The following SLC7A9 variants were observed in gnomAD, a reference collection of about 807,000 sequenced individuals.
SLC7A9 encodes the protein solute carrier family 7 member 9, also known as B(0,+)-type amino acid transporter 1.
Under a neutral mutation model 54.1 loss-of-function variants are expected in SLC7A9, and 38 were observed. The observed-to-expected ratio is 0.70, with a 90% CI of 0.54 to 0.92. SLC7A9 has a LOEUF of 0.92. Ranked by LOEUF, SLC7A9 falls within the 40% of genes least tolerant of loss-of-function variation. SLC7A9 has a pLI of 0.00. For missense variants in SLC7A9, 537 were observed against 636.1 expected, an observed-to-expected ratio of 0.84 and a Z score of 1.68; for synonymous variants, 264 against 258.9, an observed-to-expected ratio of 1.02 and a Z score of -0.19.
rs560069725 is a variant in SLC7A9, at chr19:32,851,677, AC to A, written c.977+6762del. On this transcript the variant is annotated intron_variant, in intron 9 of 12. Coordinates refer to ENST00000023064, the MANE Select transcript of SLC7A9 (RefSeq NM_014270.5). ...CCAGCCATCGCATTACTGGGTATAT[AC>A]CCAAAGGATTATAAATCATGCTGCT... Among the ~76,000 whole-genome samples the A allele has an allele frequency of 7.9e-5, 12 of 152,250 alleles. No individual in the cohort carries two copies. In the South Asian group the frequency reaches 2.5e-3, roughly 32 times the overall value.
chr19:32,860,865 C>G (rs895244722), intron 6 of SLC7A9, among the ~76,000 whole-genome samples: 5 of 152,186 alleles, frequency 3.3e-5, no homozygotes, highest in Non-Finnish European at 7.3e-5. Context: ...GCTGGTTGAG[C>G]CTTTGCCCTC....
At chr19:32,832,737 C>T (rs1437195771) in intron 12 of SLC7A9, 1 of 228,646 alleles carries the variant, frequency 4.4e-6, no homozygotes, top group African/African-American at 2.3e-5. Context: ...CCTAGCGAGA[C>T]TCCTTCTCTA....
intron 3 of SLC7A9, 70 bp from the exon 4 acceptor site, chr19:32,864,408 C>A: frequency 6.2e-7 from 1 of 1,603,238 alleles, no homozygotes; most frequent in South Asian, 1.1e-5. Context: ...GAGCCTTCCT[C>A]CCACCGGAGG....
In SLC7A9 at chr19:32,860,740, A is replaced by G. The variant is rs760090711; in HGVS notation, c.705-90T>C. ...ATAATAAATGTTGGCCTCATTTAAG[A>G]TTCTCTACCAGAGAAAAAAATTCTC... On this transcript the variant is annotated intron_variant, in intron 6 of 12. Transcript: ENST00000023064. 8 of 1,538,340 alleles carry G rather than the reference A, an allele frequency of 5.2e-6. No individual in the cohort carries two copies. In the East Asian group the frequency reaches 1.8e-4, roughly 35 times the overall value.
intron 12 of SLC7A9, among the ~76,000 whole-genome samples, chr19:32,832,543 G>A (rs1276500708): frequency 7.0e-6 from 1 of 143,070 alleles, no homozygotes; most frequent in Non-Finnish European, 1.5e-5. Context: ...AGCTGAGACC[G>A]CACCACTGCA....
chr19:32,842,353 T>C, intron 10 of SLC7A9, 36 bp from the exon 11 acceptor site: 1 of 1,587,934 alleles, frequency 6.3e-7, no homozygotes. Context: ...AGGTCATTAC[T>C]ACAAAACACT....
chr19:32,846,328 G>GC (rs1158571119), intron 9 of SLC7A9, among the ~76,000 whole-genome samples: 1 of 152,198 alleles, frequency 6.6e-6, no homozygotes, highest in East Asian at 1.9e-4. Context: ...CTAATACTGC[G>GC]CTTTTCCAAC....
At position 32,864,634 on chromosome 19, in the gene SLC7A9, G is replaced by A. The variant is rs375205018; in HGVS notation, c.230C>T (p.Thr77Met). The change falls in exon 3 of 13, where the codon ACG (threonine) becomes ATG (methionine). Residue 77 changes from threonine (T) to methionine (M), a missense_variant. Physicochemically the swap from Thr to Met is moderately conservative, Grantham distance 81 (BLOSUM62 -1). Transcript: ENST00000023064. The part of the protein sequence containing the change: ...IIWAACGVLA[T>M]LGALCFAELG... ...AGGCTCCCAAGTCTCTTTACCCAGC[G>A]TCGCGAGGACCCCGCAAGCCGCCCA... 7.5e-5 allele frequency: 121 copies of A among 1,613,490 alleles called. No homozygotes were observed. The highest frequency in any genetic ancestry group is 9.2e-5 in the Non-Finnish European group (109 of 1,180,004).
Position 32,868,475 on chromosome 19 carries a change from C to T in SLC7A9, c.60G>A (p.Glu20=). ...CCTTTTGGAGACTGGTGGTCTTAGG[C>T]TCTTGGCTCTGGATCGACTTCTCAT... ...REDEKSIQSQ[E]PKTTSLQKEL... is the part of the protein sequence containing the mutation. The change falls in exon 2 of 13, where the codon GAG becomes GAA. Residue 20 remains glutamate (E), a synonymous_variant. Coordinates refer to ENST00000023064, the MANE Select transcript of SLC7A9 (RefSeq NM_014270.5). 2 of 1,614,152 alleles carry T rather than the reference C, an allele frequency of 1.2e-6. No individual in the cohort carries two copies. The highest frequency in any genetic ancestry group is 8.5e-7 in the Non-Finnish European group (1 of 1,180,030).
At chr19:32,862,348 C>T (rs986240513) in intron 5 of SLC7A9, 113 bp downstream of exon 5, 68 of 1,512,570 alleles carry the variant, frequency 4.5e-5, no homozygotes, top group African/African-American at 9.6e-5. Flanking sequence ...TCCCTCCCAC[C>T]GAGTTCCTGC....
chr19:32,868,121 C>T (rs1291420089), intron 2 of SLC7A9, among the ~76,000 whole-genome samples: 2 of 150,076 alleles, frequency 1.3e-5, no homozygotes, highest in Admixed American at 6.7e-5. Flanking sequence ...ATCCCAGCTA[C>T]TCGGGAGGCT....
chr19:32,850,547 G>C (rs1179660420), intron 9 of SLC7A9, among the ~76,000 whole-genome samples: 2 of 151,790 alleles, frequency 1.3e-5, no homozygotes, highest in Non-Finnish European at 2.9e-5. Context: ...ACAAATGGAA[G>C]AACATTCCAT....
chr19:32,858,568 C>G (rs752256460), intron 8 of SLC7A9, 25 bp from the exon 9 acceptor site: 1 of 1,580,928 alleles, frequency 6.3e-7, no homozygotes, highest in South Asian at 1.1e-5. Context: ...GAGATGAGTC[C>G]TGAGGGTCTT....
At chr19:32,859,035 T>A (rs1000355801) in intron 8 of SLC7A9, among the ~76,000 whole-genome samples, 8 of 151,906 alleles carry the variant, frequency 5.3e-5, no homozygotes, top group African/African-American at 1.9e-4. Context: ...GATCCACCCA[T>A]CTCGGCCTCC....
At chr19:32,861,145 A>G (rs753927371) in intron 6 of SLC7A9, among the ~76,000 whole-genome samples, 5 of 152,096 alleles carry the variant, frequency 3.3e-5, no homozygotes, top group African/African-American at 7.2e-5. Flanking sequence ...CCTGGCCAAC[A>G]TGGTAAAACC....
At chr19:32,840,445 G>T (rs1968096295) in intron 11 of SLC7A9, among the ~76,000 whole-genome samples, 1 of 152,174 alleles carries the variant, frequency 6.6e-6, no homozygotes, top group African/African-American at 2.4e-5. Context: ...TTACAGGTGT[G>T]AGCCACCACA....
chr19:32,838,074 CTGCCTGCACCT>C (rs1968015527), intron 11 of SLC7A9, among the ~76,000 whole-genome samples: 2 of 152,176 alleles, frequency 1.3e-5, no homozygotes, highest in South Asian at 4.1e-4. Flanking sequence ...GACGCCGTGC[CTGCCTGCACCT>C]CACAGAAGCC....
intron 1 of SLC7A9, among the ~76,000 whole-genome samples, 198 bp downstream of exon 1, chr19:32,869,488 A>G (rs983001346): frequency 6.6e-6 from 1 of 152,174 alleles, no homozygotes. Flanking sequence ...CTGGGATTTC[A>G]GGGGTGAGCC....
intron 7 of SLC7A9, 147 bp from the exon 8 acceptor site, chr19:32,860,111 G>A (rs1968755344): frequency 6.4e-6 from 10 of 1,551,354 alleles, no homozygotes; most frequent in Admixed American, 1.9e-5. Context: ...TGAGAATGCT[G>A]CCTCTCTCAG....
Sources: gnomAD v4.1 joint callset for allele counts (sites outside exome capture counted in the v4.1 genomes callset) on GRCh38, gnomAD v4.1.1 for gene constraint, MANE v1.5 for transcripts, NCBI Gene and HGNC (gene_info 2026-07-23, HGNC 2026-07-21) for gene names.